C10orf67: variants seen among roughly 807,000 people sequenced by gnomAD.
C10orf67 encodes chromosome 10 open reading frame 67.
Under a neutral mutation model 35.6 loss-of-function variants are expected in C10orf67, and 60 were observed. The ratio of observed to expected loss-of-function variants is 1.68; its 90% confidence interval spans 1.37 to 2.09. C10orf67 has a LOEUF of 2.09. Ranked by LOEUF, C10orf67 falls within the 30% of genes most tolerant of loss-of-function variation. The pLI is 0.00. For synonymous variants in C10orf67, 167 were observed against 115.8 expected, an observed-to-expected ratio of 1.44 and a Z score of -2.84; for missense variants, 474 against 330.2, an observed-to-expected ratio of 1.44 and a Z score of -3.38.
intron 7 of C10orf67, among the ~76,000 whole-genome samples, chr10:23,286,459 G>C (rs1280915817): frequency 1.5e-5 from 1 of 66,450 alleles, no homozygotes; most frequent in African/African-American, 6.2e-5. Flanking sequence ...GGAGGGGAAG[G>C]GAAGGGAAGG....
At chr10:23,312,739 G>A (rs879635533) in intron 4 of C10orf67, among the ~76,000 whole-genome samples, 1 of 152,088 alleles carries the variant, frequency 6.6e-6, no homozygotes, top group Non-Finnish European at 1.5e-5. Context: ...TTTTTCAAAC[G>A]TTAAATGTTG....
intron 4 of C10orf67, chr10:23,317,993 T>C (rs1844794095): frequency 6.7e-6 from 1 of 148,900 alleles, no homozygotes; most frequent in African/African-American, 2.5e-5. Flanking sequence ...TCCCAGCTAC[T>C]CAGGAGGCTG....
chr10:23,284,716 C>A (rs1222133591), intron 7 of C10orf67, among the ~76,000 whole-genome samples: 2 of 151,824 alleles, frequency 1.3e-5, no homozygotes, highest in Admixed American at 6.6e-5. Flanking sequence ...AACAAACAAA[C>A]AAACAAAAAA....
chr10:23,308,164 C>T (rs1290380060), intron 4 of C10orf67, among the ~76,000 whole-genome samples: 26 of 152,206 alleles, frequency 1.7e-4, no homozygotes, highest in Non-Finnish European at 1.5e-5. Flanking sequence ...GCCCCTTCTT[C>T]TCTTTCACGA....
intron 4 of C10orf67, among the ~76,000 whole-genome samples, chr10:23,308,970 C>G (rs1389783253): frequency 6.6e-6 from 1 of 152,058 alleles, no homozygotes; most frequent in Non-Finnish European, 1.5e-5. Context: ...TGTCCTTTCT[C>G]TATCCTGTGA....
chr10:23,311,684 C>T (rs1844502477), intron 4 of C10orf67, among the ~76,000 whole-genome samples: 1 of 150,204 alleles, frequency 6.7e-6, no homozygotes, highest in Admixed American at 6.7e-5. Flanking sequence ...GCACTCCAGC[C>T]TGGGCAACAA....
At chr10:23,213,081 C>T (rs1841350993) in intron 15 of C10orf67, among the ~76,000 whole-genome samples, 1 of 151,888 alleles carries the variant, frequency 6.6e-6, no homozygotes, top group Non-Finnish European at 1.5e-5. Flanking sequence ...TGAAAAAGAA[C>T]CAATTAAAAT....
chr10:23,227,918 A>C (rs1358568372), intron 13 of C10orf67, among the ~76,000 whole-genome samples: 1 of 152,210 alleles, frequency 6.6e-6, no homozygotes, highest in Non-Finnish European at 1.5e-5. Context: ...ACTACAAACC[A>C]CTGCTCATCG....
Position 23,262,653 on chromosome 10 carries a change from C to G in C10orf67, c.1200+3609G>C, listed in dbSNP as rs371073003. On this transcript the variant is annotated intron_variant, in intron 10 of 15. Coordinates refer to ENST00000636213, the MANE Select transcript of C10orf67 (RefSeq NM_001371909.1). ...CAATAAGAGCACAAGCACAAACCCC[C>G]TTTTCAGTTGGTTTTTGACAACATC... 2.0e-4 allele frequency among the ~76,000 whole-genome samples: 30 copies of G among 152,296 alleles called. No homozygotes were observed. In the South Asian group the frequency reaches 4.8e-3, roughly 24 times the overall value.
At chr10:23,251,672 A>C (rs1842458925) in intron 10 of C10orf67, among the ~76,000 whole-genome samples, 2 of 152,208 alleles carry the variant, frequency 1.3e-5, no homozygotes, top group South Asian at 4.1e-4. Context: ...CTTTCTAAGC[A>C]TAGCCAGCAT....
At chr10:23,327,658 C>T (rs1339855901) in intron 2 of C10orf67, among the ~76,000 whole-genome samples, 1 of 152,078 alleles carries the variant, frequency 6.6e-6, no homozygotes, top group Non-Finnish European at 1.5e-5. Flanking sequence ...AACCCCATCT[C>T]TACTAAAAAT....
intron 5 of C10orf67, among the ~76,000 whole-genome samples, chr10:23,302,515 A>G (rs1441847104): frequency 6.6e-6 from 1 of 152,204 alleles, no homozygotes; most frequent in Non-Finnish European, 1.5e-5. Flanking sequence ...TTGCTATTCA[A>G]TAGACTTTTA....
chr10:23,303,256 CTTTA>C (rs1189936516), intron 5 of C10orf67, 44 bp downstream of exon 5: 2 of 455,760 alleles, frequency 4.4e-6, no homozygotes, highest in African/African-American at 4.1e-5. Context: ...CTATTTATGA[CTTTA>C]TTTATGTATA....
At chr10:23,332,300 CT>C (rs1324522283) in intron 2 of C10orf67, among the ~76,000 whole-genome samples, 3 of 152,180 alleles carry the variant, frequency 2.0e-5, no homozygotes, top group Non-Finnish European at 2.9e-5. Flanking sequence ...TAGTGGTATG[CT>C]ACCTCATGTA....
Position 23,320,693 on chromosome 10 carries a change from C to A in C10orf67, c.546+48G>T, listed in dbSNP as rs367624805. The stretch of plus-strand genomic sequence containing the variant: ...GATCCCCACTCCTTGCACACAGCAG[C>A]TGAAGCTAGCCTTGCCCACAACTAC... On this transcript the variant is annotated intron_variant, in intron 4 of 15. Coordinates refer to ENST00000636213, the MANE Select transcript of C10orf67 (RefSeq NM_001371909.1). 1.3e-5 allele frequency: 19 copies of A among 1,432,040 alleles called. No homozygotes were observed. The African/African-American group carries it at 2.7e-4, about 20-fold the overall frequency. 88.7% of individuals were successfully genotyped at this position (1,432,040 alleles called of 1,614,324 possible). A position where few individuals can be genotyped will look rare whatever the true frequency, so the allele number is the denominator to read the frequency against.
At chr10:23,293,229 C>T (rs1379595001) in intron 5 of C10orf67, among the ~76,000 whole-genome samples, 2 of 152,168 alleles carry the variant, frequency 1.3e-5, no homozygotes, top group East Asian at 3.8e-4. Context: ...TGTATGAAAG[C>T]AGGACGCAAG....
rs1195079390 is a variant in C10orf67 at position 23,204,223 on chromosome 10, A to G, written c.1603T>C (p.Leu535=). 6.1e-6 allele frequency: 4 copies of G among 654,132 alleles called. No individual in the cohort carries two copies. The highest frequency in any genetic ancestry group is 1.8e-5 in the African/African-American group (1 of 54,478). The allele number at this position is 654,132 out of a possible 1,614,324, so 40.5% of individuals were successfully genotyped here. A position where few individuals can be genotyped will look rare whatever the true frequency, so the allele number is the denominator to read the frequency against. ...KLSESPKEES[L]EEPSMRQSSP... Reference sequence around the variant, plus strand: ...CTCTGGCGCATGGAGGGCTCCTCCAAGGACTCTTCTTTTGGGGATTCCGAC... The same window carrying G: ...CTCTGGCGCATGGAGGGCTCCTCCAGGGACTCTTCTTTTGGGGATTCCGAC... Residue 535 remains leucine (L), a synonymous_variant, in exon 16 of 16, where the codon TTG becomes CTG. Coordinates refer to ENST00000636213, the MANE Select transcript of C10orf67 (RefSeq NM_001371909.1).
chr10:23,306,938 G>A (rs1435365908), intron 4 of C10orf67, among the ~76,000 whole-genome samples: 1 of 152,142 alleles, frequency 6.6e-6, no homozygotes, highest in Non-Finnish European at 1.5e-5. Flanking sequence ...CACGATTTGT[G>A]AATATCCTAC....
intron 5 of C10orf67, among the ~76,000 whole-genome samples, chr10:23,293,536 A>G (rs1843784821): frequency 6.6e-6 from 1 of 152,218 alleles, no homozygotes; most frequent in Non-Finnish European, 1.5e-5. Context: ...CTTTTAAAAA[A>G]TAAACTGCCT....
Sources: gnomAD v4.1 joint callset for allele counts (sites outside exome capture counted in the v4.1 genomes callset) on GRCh38, gnomAD v4.1.1 for gene constraint, MANE v1.5 for transcripts, NCBI Gene and HGNC (gene_info 2026-07-23, HGNC 2026-07-21) for gene names.